The following FAM180A variants were observed in gnomAD, a reference collection of about 807,000 sequenced individuals.
FAM180A encodes family with sequence similarity 180 member A.
In FAM180A, 14 loss-of-function variants were observed where a neutral mutation model predicts 15.3. The ratio of observed to expected loss-of-function variants is 0.92; its 90% CI spans 0.61 to 1.43. The LOEUF (loss-of-function observed/expected upper bound fraction) is 1.43. Ranked by LOEUF, FAM180A falls within the 40% of genes most tolerant of loss-of-function variation. The pLI is 0.00. For synonymous variants in FAM180A, 90 were observed against 96.8 expected (o/e 0.93, Z 0.41); for missense variants, 200 against 220.8 (o/e 0.91, Z 0.60).
chr7:135,730,055 G>A lies in FAM180A; in HGVS notation c.*556C>T, dbSNP rs1406954485. 2 of 985,188 alleles carry A rather than the reference G, an allele frequency of 2.0e-6. No homozygotes were observed. The highest frequency in any genetic ancestry group is 4.7e-5 in the South Asian group (1 of 21,276). 61.0% of individuals were successfully genotyped at this position (985,188 alleles called of 1,614,324 possible). A position where few individuals can be genotyped will look rare whatever the true frequency, so the allele number is the denominator to read the frequency against. ...AGATTGAAATGGATTAGGAAAGTAA[G>A]GGGTGTTGTAAAAAGTCATTTAACA... On this transcript the variant is annotated 3_prime_UTR_variant, in exon 4 of 4. Transcript: ENST00000338588.
chr7:135,737,082 T>A lies in FAM180A; in HGVS notation c.177+17A>T, dbSNP rs117824095. On this transcript the variant is annotated intron_variant, in intron 2 of 3. Coordinates refer to ENST00000338588, the MANE Select transcript of FAM180A (RefSeq NM_205855.4). ...TCTTTTGGGTGACTTGGATTGAGCA[T>A]GTTCCCCTCTGCCTACCTCGTAGAG... The A allele has an allele frequency of 6.3e-7, 1 of 1,588,540 alleles. No homozygotes were observed. The highest frequency in any genetic ancestry group is 1.7e-5 in the Admixed American group (1 of 59,212).
intron 1 of FAM180A, among the ~76,000 whole-genome samples, chr7:135,746,547 C>G (rs1055186153): frequency 6.6e-6 from 1 of 152,120 alleles, no homozygotes; most frequent in African/African-American, 2.4e-5. Flanking sequence ...ATGTGGCTAT[C>G]GTGTTTACAA....
chr7:135,741,008 C>A (rs1330418212), intron 1 of FAM180A, among the ~76,000 whole-genome samples: 2 of 151,458 alleles, frequency 1.3e-5, no homozygotes, highest in Non-Finnish European at 2.9e-5. Context: ...CAGAGGAAGG[C>A]AATAGGGAGG....
chr7:135,735,713 A>AT (rs1407002793), intron 2 of FAM180A, among the ~76,000 whole-genome samples: 2 of 151,606 alleles, frequency 1.3e-5, no homozygotes, highest in African/African-American at 2.4e-5. Flanking sequence ...TTTTTATTTT[A>AT]TTTTTTTGAG....
At chr7:135,731,396 G>A (rs1015664259) in intron 3 of FAM180A, among the ~76,000 whole-genome samples, 6 of 151,952 alleles carry the variant, frequency 3.9e-5, no homozygotes, top group African/African-American at 1.4e-4. Context: ...AGAGAAGACT[G>A]ACAGACAGTG....
intron 1 of FAM180A, among the ~76,000 whole-genome samples, chr7:135,742,555 A>T (rs1039724944): frequency 6.6e-6 from 1 of 152,198 alleles, no homozygotes; most frequent in African/African-American, 2.4e-5. Context: ...TCCCTGGACA[A>T]ATGAGCATCT....
chr7:135,734,439 G>A (rs1796842429), intron 2 of FAM180A, 120 bp from the exon 3 acceptor site: 1 of 913,428 alleles, frequency 1.1e-6, no homozygotes, highest in Non-Finnish European at 1.6e-6. Flanking sequence ...GAACTCAAGA[G>A]AGTTCCAGTT....
Position 135,737,150 on chromosome 7 carries a change from T to G in FAM180A, c.126A>C (p.Pro42=). The part of the protein sequence containing the change: ...AHRPKRSSSL[P]LNPVLQTSLE... ...GGGAGGTCTGCAGGACTGGGTTCAA[T>G]GGCAGTGATGAGGACCTCTTTGGCC... The change falls in exon 2 of 4, where the codon CCA becomes CCC. Residue 42 remains proline (P), a synonymous_variant. Transcript: ENST00000338588. 3 of 1,612,174 alleles carry G rather than the reference T, an allele frequency of 1.9e-6. No homozygotes were observed. Among genetic ancestry groups the G allele is most frequent in the Non-Finnish European group, 2.5e-6 (3 of 1,179,474 alleles).
chr7:135,744,545 G>T (rs371465811), intron 1 of FAM180A, among the ~76,000 whole-genome samples: 1 of 152,214 alleles, frequency 6.6e-6, no homozygotes, highest in South Asian at 2.1e-4. Context: ...GGCCCTGTGC[G>T]TGGGGGTCCT....
Position 135,748,482 on chromosome 7 carries a change from CAAAT to C in FAM180A, c.76+19_76+22del, listed in dbSNP as rs1563182636. The C allele has an allele frequency of 1.2e-6, 2 of 1,601,140 alleles. No homozygotes were observed. Among genetic ancestry groups the C allele is most frequent in the South Asian group, 2.2e-5 (2 of 90,766 alleles). On this transcript the variant is annotated intron_variant, in intron 1 of 3. Coordinates refer to ENST00000338588, the MANE Select transcript of FAM180A (RefSeq NM_205855.4). ...GAAAGTATAATGAGCATCAAACAAA[CAAAT>C]GAATAAAAAGCAACTCACCCCTGCT...
At chr7:135,736,969 G>A (rs974046727) in intron 2 of FAM180A, 130 bp downstream of exon 2, 2 of 714,004 alleles carry the variant, frequency 2.8e-6, no homozygotes, top group Non-Finnish European at 5.0e-6. Context: ...TACAAATTAG[G>A]CTATTCCCTA....
chr7:135,742,616 T>G (rs568048527), intron 1 of FAM180A, among the ~76,000 whole-genome samples: 3 of 152,296 alleles, frequency 2.0e-5, no homozygotes, highest in African/African-American at 7.2e-5. Flanking sequence ...TTGCTAAAGG[T>G]CATGCCACAT....
At chr7:135,744,465 G>A (rs1046828299) in intron 1 of FAM180A, among the ~76,000 whole-genome samples, 2 of 152,238 alleles carry the variant, frequency 1.3e-5, no homozygotes, top group Admixed American at 6.5e-5. Context: ...TCTGACTGAT[G>A]TCATTTACTT....
At chr7:135,734,990 C>T (rs1796850467) in intron 2 of FAM180A, among the ~76,000 whole-genome samples, 1 of 152,200 alleles carries the variant, frequency 6.6e-6, no homozygotes, top group South Asian at 2.1e-4. Context: ...CAACCTCCAC[C>T]TCCTGGGTTC....
intron 3 of FAM180A, among the ~76,000 whole-genome samples, chr7:135,732,122 A>G (rs758921352): frequency 2.6e-5 from 4 of 152,332 alleles, no homozygotes; most frequent in Non-Finnish European, 5.9e-5. Context: ...TTTGTAGGCA[A>G]TGGCCAGCTA....
intron 1 of FAM180A, among the ~76,000 whole-genome samples, chr7:135,744,000 TC>T (rs1191073071): frequency 1.3e-5 from 2 of 152,114 alleles, no homozygotes; most frequent in African/African-American, 4.8e-5. Flanking sequence ...CACCACACCC[TC>T]CCCTTATCCC....
intron 2 of FAM180A, 75 bp from the exon 3 acceptor site, chr7:135,734,394 C>T: frequency 7.1e-7 from 1 of 1,402,114 alleles, no homozygotes; most frequent in South Asian, 1.4e-5. Flanking sequence ...TATCACGCAC[C>T]TTCCCTTAGG....
chr7:135,743,283 G>A (rs1475464051), intron 1 of FAM180A, among the ~76,000 whole-genome samples: 2 of 146,630 alleles, frequency 1.4e-5, no homozygotes, highest in African/African-American at 5.1e-5. Context: ...GGGCAGTGGT[G>A]CAATCTGGGT....
intron 1 of FAM180A, among the ~76,000 whole-genome samples, chr7:135,743,323 GCCT>G (rs1796982419): frequency 6.6e-6 from 1 of 150,532 alleles, no homozygotes; most frequent in Non-Finnish European, 1.5e-5. Flanking sequence ...TTGTGCCTCA[GCCT>G]CCTGAGTAGT....
Sources: gnomAD v4.1 joint callset for allele counts (sites outside exome capture counted in the v4.1 genomes callset) on GRCh38, gnomAD v4.1.1 for gene constraint, MANE v1.5 for transcripts, NCBI Gene and HGNC (gene_info 2026-07-23, HGNC 2026-07-21) for gene names.